BACH2: variants seen among roughly 807,000 people sequenced by gnomAD.
BACH2 encodes transcription regulator protein BACH2.
BACH2 carries 5 observed loss-of-function variants against 61.8 expected under a neutral mutation model. That is an observed-to-expected ratio of 0.08 (90% confidence interval 0.04 to 0.17). The LOEUF is 0.17. BACH2 is among the 10% of genes least tolerant of loss of function. The pLI is 1.00. For missense variants in BACH2, 824 were observed against 1,091.1 expected, an observed-to-expected ratio of 0.76 and a Z score of 3.45; for synonymous variants, 446 against 440.1, an observed-to-expected ratio of 1.01 and a Z score of -0.17.
At chr6:89,955,459 G>T (rs1774376051) in intron 6 of BACH2, among the ~76,000 whole-genome samples, 1 of 152,170 alleles carries the variant, frequency 6.6e-6, no homozygotes. Context: ...TAGCAAGGGG[G>T]CCCCTTGAAC....
intron 4 of BACH2, among the ~76,000 whole-genome samples, chr6:90,103,163 T>C (rs1272752944): frequency 6.6e-6 from 1 of 150,570 alleles, no homozygotes; most frequent in Non-Finnish European, 1.5e-5. Flanking sequence ...TTGCCCAGAA[T>C]ACCCAGGCAT....
At chr6:90,263,544 T>C (rs1310560549) in intron 2 of BACH2, among the ~76,000 whole-genome samples, 1 of 152,210 alleles carries the variant, frequency 6.6e-6, no homozygotes, top group African/African-American at 2.4e-5. Flanking sequence ...TGTTTTAAAA[T>C]AGACAAATTA....
At chr6:89,987,010 GT>G (rs1776279886) in intron 6 of BACH2, among the ~76,000 whole-genome samples, 1 of 152,198 alleles carries the variant, frequency 6.6e-6, no homozygotes, top group Non-Finnish European at 1.5e-5. Flanking sequence ...GTCTGGTGAT[GT>G]GACCCAGCCT....
At chr6:90,247,581 G>A (rs1448188690) in intron 3 of BACH2, among the ~76,000 whole-genome samples, 1 of 152,050 alleles carries the variant, frequency 6.6e-6, no homozygotes, top group East Asian at 1.9e-4. Context: ...TACCATTACT[G>A]CCTTATTTAA....
intron 3 of BACH2, among the ~76,000 whole-genome samples, chr6:90,233,198 C>T (rs1770154443): frequency 6.6e-6 from 1 of 151,974 alleles, no homozygotes; most frequent in Non-Finnish European, 1.5e-5. Flanking sequence ...GAGAAGCCAC[C>T]TTTTTTTTAT....
chr6:89,966,945 C>T (rs1452468130), intron 6 of BACH2, among the ~76,000 whole-genome samples: 1 of 152,226 alleles, frequency 6.6e-6, no homozygotes, highest in Admixed American at 6.5e-5. Context: ...AAGCAATCCT[C>T]CTTCCTTGGC....
chr6:90,179,433 C>T (rs756253981), intron 4 of BACH2, among the ~76,000 whole-genome samples: 3 of 152,146 alleles, frequency 2.0e-5, no homozygotes, highest in African/African-American at 7.2e-5. Flanking sequence ...ACCAAAGGTA[C>T]CTTTCTTTTT....
chr6:90,117,463 C>CTTTT lies in BACH2; in HGVS notation c.-161-28358_-161-28355dup, dbSNP rs3072652. On this transcript the variant is annotated intron_variant, in intron 4 of 8. Transcript: ENST00000257749. The stretch of plus-strand genomic sequence containing the variant: ...ATTTACTTCTTTACTGTTAGCTTGA[C>CTTTT]TTTTTTTTTTTTTTGTAATTCTATA... 2.8e-5 allele frequency among the ~76,000 whole-genome samples: 4 copies of CTTTT among 141,666 alleles called. 1 individual carries two copies. Among genetic ancestry groups the CTTTT allele is most frequent in the Admixed American group, 7.0e-5 (1 of 14,258 alleles). 92.9% of individuals were successfully genotyped at this position (141,666 alleles called of 152,430 possible). A position where few individuals can be genotyped will look rare whatever the true frequency, so the allele number is the denominator to read the frequency against.
intron 4 of BACH2, among the ~76,000 whole-genome samples, chr6:90,197,613 C>T (rs1768803022): frequency 6.6e-6 from 1 of 152,118 alleles, no homozygotes; most frequent in African/African-American, 2.4e-5. Context: ...TCACCAGTCA[C>T]AAAGAAAAAG....
At chr6:90,221,566 G>T (rs1007150750) in intron 3 of BACH2, among the ~76,000 whole-genome samples, 1 of 152,174 alleles carries the variant, frequency 6.6e-6, no homozygotes, top group Non-Finnish European at 1.5e-5. Context: ...TTCCCTTGAG[G>T]AGTCTACTTA....
At chr6:90,017,074 C>A (rs986541274) in intron 5 of BACH2, among the ~76,000 whole-genome samples, 7 of 152,108 alleles carry the variant, frequency 4.6e-5, no homozygotes, top group African/African-American at 1.7e-4. Flanking sequence ...TTTTGGCCAT[C>A]ATTTTTTCAA....
intron 4 of BACH2, among the ~76,000 whole-genome samples, chr6:90,135,220 T>C (rs1039819107): frequency 6.6e-6 from 1 of 152,202 alleles, no homozygotes; most frequent in South Asian, 2.1e-4. Flanking sequence ...TCCTCCCTCC[T>C]GACACAGCCA....
chr6:90,069,240 TGGATGGATGGAA>T (rs1781109895), intron 5 of BACH2, among the ~76,000 whole-genome samples: 2 of 152,082 alleles, frequency 1.3e-5, no homozygotes, highest in Admixed American at 1.3e-4. Flanking sequence ...GAACACTGAG[TGGATGGATGGAA>T]GGATGGATGA....
intron 4 of BACH2, among the ~76,000 whole-genome samples, chr6:90,130,006 A>G (rs1784026664): frequency 6.6e-6 from 1 of 152,026 alleles, no homozygotes; most frequent in South Asian, 2.1e-4. Flanking sequence ...AGTAGCTGGG[A>G]TTACAGGTGC....
chr6:90,095,662 T>C (rs1485777604), intron 4 of BACH2, among the ~76,000 whole-genome samples: 1 of 152,190 alleles, frequency 6.6e-6, no homozygotes, highest in Non-Finnish European at 1.5e-5. Context: ...GATAGAAATG[T>C]GTTGAAAGTA....
chr6:89,968,881 T>C (rs997948261), intron 6 of BACH2, among the ~76,000 whole-genome samples: 3 of 151,930 alleles, frequency 2.0e-5, no homozygotes, highest in African/African-American at 4.8e-5. Flanking sequence ...TGTGGTGGCG[T>C]ATGCCTGTAG....
At chr6:90,095,143 G>A (rs1027856360) in intron 4 of BACH2, among the ~76,000 whole-genome samples, 2 of 151,952 alleles carry the variant, frequency 1.3e-5, no homozygotes. Flanking sequence ...TGGAGTAGTC[G>A]CACGCCATTT....
At chr6:90,176,993 T>A (rs1282151825) in intron 4 of BACH2, among the ~76,000 whole-genome samples, 2 of 152,242 alleles carry the variant, frequency 1.3e-5, no homozygotes, top group African/African-American at 4.8e-5. Flanking sequence ...TGATTCCAAC[T>A]CCATGTTAAT....
chr6:89,981,032 T>C (rs1775921232), intron 6 of BACH2, among the ~76,000 whole-genome samples: 1 of 152,148 alleles, frequency 6.6e-6, no homozygotes, highest in South Asian at 2.1e-4. Context: ...TAATTAGATA[T>C]TGGTATTTTG....
Sources: gnomAD v4.1 joint callset for allele counts (sites outside exome capture counted in the v4.1 genomes callset) on GRCh38, gnomAD v4.1.1 for gene constraint, MANE v1.5 for transcripts, NCBI Gene and HGNC (gene_info 2026-07-23, HGNC 2026-07-21) for gene names.